GLT1D1: variants seen among roughly 807,000 people sequenced by gnomAD.
GLT1D1 encodes glycosyltransferase 1 domain containing 1, also known as glycosyltransferase 1 domain-containing protein 1.
GLT1D1 carries 21 observed loss-of-function variants against 28.7 expected under a neutral mutation model. The ratio of observed to expected loss-of-function variants is 0.73; its 90% confidence interval spans 0.52 to 1.05. GLT1D1 has a LOEUF of 1.05. Among genes scored for constraint, GLT1D1 ranks in the 50% least tolerant of loss-of-function variants. The probability of loss-of-function intolerance (pLI) is 0.00; values close to 1 mark genes in which losing one functional copy is unlikely to be tolerated. For missense variants in GLT1D1, 343 were observed against 330.6 expected (o/e 1.04, Z -0.29); for synonymous variants, 147 against 124.8 (o/e 1.18, Z -1.19).
intron 4 of GLT1D1, among the ~76,000 whole-genome samples, chr12:128,928,989 T>C (rs1873580866): frequency 6.6e-6 from 1 of 152,088 alleles, no homozygotes; most frequent in African/African-American, 2.4e-5. Flanking sequence ...CAGATTCCTA[T>C]GTTGAAACCT....
At chr12:128,926,432 C>T in intron 4 of GLT1D1, 1 of 1,525,994 alleles carries the variant, frequency 6.6e-7, no homozygotes, top group Non-Finnish European at 8.8e-7. Flanking sequence ...AGGATCCTCT[C>T]TATCTGGTGG....
intron 6 of GLT1D1, 21 bp from the exon 11 acceptor site, chr12:128,957,524 C>T (rs748102267): frequency 5.1e-6 from 8 of 1,570,700 alleles, no homozygotes; most frequent in East Asian, 2.2e-5. Context: ...CTTCCACCCC[C>T]TTTTCTCCTG....
At chr12:128,931,125 C>T (rs1385508338) in intron 4 of GLT1D1, among the ~76,000 whole-genome samples, 1 of 151,646 alleles carries the variant, frequency 6.6e-6, no homozygotes, top group African/African-American at 2.4e-5. Flanking sequence ...CCTCAGACTC[C>T]TTAGTAGCCG....
At chr12:128,947,085 C>T (rs981913672) in intron 5 of GLT1D1, among the ~76,000 whole-genome samples, 1 of 152,116 alleles carries the variant, frequency 6.6e-6, no homozygotes, top group African/African-American at 2.4e-5. Flanking sequence ...TCTTCTAGTC[C>T]TTGAGAGCAG....
intron 6 of GLT1D1, among the ~76,000 whole-genome samples, chr12:128,956,794 C>G (rs972296914): frequency 3.6e-4 from 55 of 152,226 alleles, no homozygotes; most frequent in Admixed American, 2.6e-4. Context: ...GTGTTACCAT[C>G]TGTTACAATC....
chr12:128,908,337 T>TC (rs1167032093), intron 4 of GLT1D1, among the ~76,000 whole-genome samples: 3 of 144,498 alleles, frequency 2.1e-5, no homozygotes, highest in African/African-American at 7.9e-5. Flanking sequence ...TTTCTTTCTT[T>TC]CTTTCTTTCC....
chr12:128,960,942 A>G (rs1877881477), intron 7 of GLT1D1, among the ~76,000 whole-genome samples: 1 of 152,098 alleles, frequency 6.6e-6, no homozygotes, highest in African/African-American at 2.4e-5. Flanking sequence ...ATTCGCTTTT[A>G]TTTTCTAATT....
chr12:128,943,768 A>G (rs900381758), intron 4 of GLT1D1, among the ~76,000 whole-genome samples: 1 of 152,208 alleles, frequency 6.6e-6, no homozygotes, highest in Non-Finnish European at 1.5e-5. Context: ...GTGTCTTACA[A>G]CAAATCTGTA....
chr12:128,931,448 C>G (rs1873876589), intron 4 of GLT1D1, among the ~76,000 whole-genome samples: 1 of 151,670 alleles, frequency 6.6e-6, no homozygotes, highest in Admixed American at 6.6e-5. Context: ...GCTGGGATTA[C>G]AAGCGCCTAC....
chr12:128,921,093 C>G (rs1282919399), intron 4 of GLT1D1, among the ~76,000 whole-genome samples: 1 of 152,104 alleles, frequency 6.6e-6, no homozygotes, highest in East Asian at 1.9e-4. Context: ...AACACTTGAT[C>G]AGGATTTTTC....
rs534056613 is a variant in GLT1D1, at chr12:128,945,227, G to A, written c.376-99G>A. ...CCCGTGGCCGCAGACCGAGGCCCAC[G>A]CCGCGCTGGCACCAGGGCTTTGGCC... On this transcript the variant is annotated intron_variant, in intron 4 of 7. Coordinates refer to ENST00000281703, the MANE Select transcript of GLT1D1 (RefSeq NM_144669.3). 1.3e-4 allele frequency: 165 copies of A among 1,246,546 alleles called. 2 individuals are homozygous for A. The highest frequency in any genetic ancestry group is 3.4e-4 in the African/African-American group (23 of 67,756). The allele number at this position is 1,246,546 out of a possible 1,614,324, so 77.2% of individuals were successfully genotyped here. A position where few individuals can be genotyped will look rare whatever the true frequency, so the allele number is the denominator to read the frequency against.
intron 1 of GLT1D1, among the ~76,000 whole-genome samples, chr12:128,855,103 A>G (rs1956181260): frequency 6.6e-6 from 1 of 151,882 alleles, no homozygotes; most frequent in African/African-American, 2.4e-5. Context: ...TTAAGAAAGC[A>G]AAACTAGGAG....
At chr12:128,857,001 C>G (rs1956240909) in intron 1 of GLT1D1, among the ~76,000 whole-genome samples, 1 of 152,040 alleles carries the variant, frequency 6.6e-6, no homozygotes, top group Non-Finnish European at 1.5e-5. Flanking sequence ...TGTTGAGTGA[C>G]CGAAGAACCT....
chr12:128,906,690 G>A (rs2135870454), intron 4 of GLT1D1, among the ~76,000 whole-genome samples: 1 of 151,124 alleles, frequency 6.6e-6, no homozygotes, highest in Non-Finnish European at 1.5e-5. Flanking sequence ...AAGTTTTCAG[G>A]TGTTATCTTT....
intron 4 of GLT1D1, among the ~76,000 whole-genome samples, chr12:128,921,156 A>G (rs138958417): frequency 1.3e-5 from 2 of 151,818 alleles, no homozygotes; most frequent in African/African-American, 4.8e-5. Flanking sequence ...GAAAGTGCAC[A>G]TAAGCTACTC....
At chr12:128,858,851 C>CT (rs2135754760) in intron 1 of GLT1D1, among the ~76,000 whole-genome samples, 2 of 152,194 alleles carry the variant, frequency 1.3e-5, no homozygotes, top group African/African-American at 4.8e-5. Flanking sequence ...TCTCCACAGT[C>CT]TTTTATCTTA....
At chr12:128,861,110 T>A (rs1464763762) in intron 1 of GLT1D1, among the ~76,000 whole-genome samples, 1 of 152,120 alleles carries the variant, frequency 6.6e-6, no homozygotes, top group Non-Finnish European at 1.5e-5. Context: ...AGGAGGCTAG[T>A]CCTTGGAAAC....
chr12:128,944,399 T>C, intron 4 of GLT1D1: 2 of 1,184,688 alleles, frequency 1.7e-6, no homozygotes, highest in Non-Finnish European at 2.5e-6. Context: ...CTGGTAATAG[T>C]CCAGGACTGG....
rs138081477 is a variant in GLT1D1, at chr12:128,913,152, C to T, written c.375+13865C>T. Among the ~76,000 whole-genome samples, 888 of 152,276 alleles carry T rather than the reference C, an allele frequency of 5.8e-3. 15 individuals carry two copies. The highest frequency in any genetic ancestry group is 0.02 in the African/African-American group (820 of 41,546). On this transcript the variant is annotated intron_variant, in intron 4 of 7. Transcript: ENST00000281703. Reference sequence around the variant, plus strand: ...TTCTCCCTTCATACTCCTCCTTCCTCCCTGCCCAATTCTGCCCCTATGGTG... The same window carrying T: ...TTCTCCCTTCATACTCCTCCTTCCTTCCTGCCCAATTCTGCCCCTATGGTG...
Sources: allele counts gnomAD v4.1 joint callset (sites outside exome capture counted in the v4.1 genomes callset), GRCh38; gene constraint gnomAD v4.1.1; transcripts MANE v1.5; gene names NCBI Gene and HGNC (gene_info 2026-07-23, HGNC 2026-07-21).